The following CHSY3 variants were observed in gnomAD, a reference collection of about 807,000 sequenced individuals.
The protein encoded by CHSY3 is N-acetylgalactosaminyl-proteoglycan 3-beta-glucuronosyltransferase 3.
A neutral mutation model predicts 67.2 loss-of-function variants in CHSY3; 35 were observed. The observed-to-expected ratio is 0.52, with a 90% confidence interval of 0.40 to 0.69. The LOEUF is 0.69. Among genes scored for constraint, CHSY3 ranks in the 30% least tolerant of loss-of-function variants. The pLI, the probability that CHSY3 is intolerant of heterozygous loss-of-function variation, is 0.00. For missense variants in CHSY3, 1,069 were observed against 1,138.5 expected, an observed-to-expected ratio of 0.94 and a Z score of 0.88; for synonymous variants, 474 against 434.7, an observed-to-expected ratio of 1.09 and a Z score of -1.12.
chr5:130,046,741 A>G (rs1765164353), intron 2 of CHSY3, among the ~76,000 whole-genome samples: 1 of 152,124 alleles, frequency 6.6e-6, no homozygotes, highest in Admixed American at 6.6e-5. Context: ...AATAATTTTT[A>G]CAGATACCTT....
chr5:130,010,549 C>T (rs1332984584), intron 2 of CHSY3, among the ~76,000 whole-genome samples: 1 of 152,066 alleles, frequency 6.6e-6, no homozygotes, highest in Non-Finnish European at 1.5e-5. Context: ...AAGTTAACAG[C>T]TAAGAGCTAA....
chr5:130,115,176 G>A (rs1767750659), intron 2 of CHSY3, among the ~76,000 whole-genome samples: 1 of 151,698 alleles, frequency 6.6e-6, no homozygotes, highest in Non-Finnish European at 1.5e-5. Context: ...ATGAATGATT[G>A]CAGAGTATTT....
chr5:129,919,069 TGCAGTCC>T (rs1241404009), intron 2 of CHSY3, among the ~76,000 whole-genome samples: 1 of 117,498 alleles, frequency 8.5e-6, no homozygotes, highest in African/African-American at 3.4e-5. Context: ...ATTGCGCCAC[TGCAGTCC>T]GCAGTCCGGC....
At chr5:129,974,455 T>C (rs1256468510) in intron 2 of CHSY3, among the ~76,000 whole-genome samples, 1 of 152,146 alleles carries the variant, frequency 6.6e-6, no homozygotes, top group Non-Finnish European at 1.5e-5. Flanking sequence ...TTAATATAGT[T>C]TCTCTTGCTA....
chr5:129,930,982 A>C (rs1177100472), intron 2 of CHSY3, among the ~76,000 whole-genome samples: 1 of 152,100 alleles, frequency 6.6e-6, no homozygotes, highest in African/African-American at 2.4e-5. Flanking sequence ...GTCGGTTTTA[A>C]ATTGCCTTTG....
intron 2 of CHSY3, among the ~76,000 whole-genome samples, chr5:130,012,008 A>C (rs1764076637): frequency 6.6e-6 from 1 of 152,192 alleles, no homozygotes; most frequent in African/African-American, 2.4e-5. Flanking sequence ...AATAGGAAGA[A>C]TCAATGGCCG....
rs773471290 is a variant in CHSY3 at position 129,905,068 on chromosome 5, G to A, written c.239G>A (p.Arg80His). 30 of 1,545,664 alleles carry A rather than the reference G, an allele frequency of 1.9e-5. No individual in the cohort carries two copies. The highest frequency in any genetic ancestry group is 2.4e-5 in the South Asian group (2 of 84,482). The change falls in exon 1 of 3, where the codon CGC (arginine) becomes CAC (histidine). Residue 80 changes from arginine to histidine, a missense_variant. Around this residue, in one of 5 missense-constraint regions of CHSY3, gnomAD observed 309 missense variants for 262.5 expected, o/e 1.18. Coordinates refer to ENST00000305031, the MANE Select transcript of CHSY3 (RefSeq NM_175856.5). The part of the protein sequence containing the change: ...PRQEQSPPPA[R>H]QDLQGPPLPE... Reference sequence around the variant, plus strand: ...CAGGAGCAGTCGCCGCCCCCCGCGCGCCAGGATCTCCAGGGGCCACCGCTG... The same window carrying A: ...CAGGAGCAGTCGCCGCCCCCCGCGCACCAGGATCTCCAGGGGCCACCGCTG...
At chr5:129,994,083 T>C (rs540127194) in intron 2 of CHSY3, among the ~76,000 whole-genome samples, 81 of 152,356 alleles carry the variant, frequency 5.3e-4, no homozygotes, top group African/African-American at 1.9e-3. Context: ...AGAGATCAGC[T>C]GTTAGTGTGA....
At chr5:130,153,550 T>A (rs1029005439) in intron 2 of CHSY3, among the ~76,000 whole-genome samples, 3 of 152,146 alleles carry the variant, frequency 2.0e-5, no homozygotes, top group Non-Finnish European at 4.4e-5. Context: ...GAAGCCTTTT[T>A]TCATTGCTCC....
At chr5:130,181,909 C>A (rs1770260158) in intron 2 of CHSY3, among the ~76,000 whole-genome samples, 1 of 150,880 alleles carries the variant, frequency 6.6e-6, no homozygotes, top group Admixed American at 6.6e-5. Flanking sequence ...TTATTCTGTT[C>A]TTGATGTAAA....
intron 2 of CHSY3, among the ~76,000 whole-genome samples, chr5:130,032,705 C>A (rs970041021): frequency 6.6e-6 from 1 of 152,094 alleles, no homozygotes. Flanking sequence ...CCTGGGAAAT[C>A]AAAGCTGAAT....
In CHSY3 at chr5:129,905,426, C is replaced by T; in HGVS notation, c.597C>T (p.Ile199=). The change falls in exon 1 of 3, where the codon ATC becomes ATT. Residue 199 remains isoleucine (I), a synonymous_variant. Coordinates refer to ENST00000305031, the MANE Select transcript of CHSY3 (RefSeq NM_175856.5). ...LAAQRTWARF[I]PGRVEFFSSQ... The stretch of plus-strand genomic sequence containing the variant: ...CGCAGCGGACCTGGGCGCGTTTCAT[C>T]CCGGGCCGCGTGGAGTTCTTTTCCA... The T allele has an allele frequency of 1.1e-5, 18 of 1,611,094 alleles. No homozygotes were observed. The highest frequency in any genetic ancestry group is 1.5e-5 in the Non-Finnish European group (18 of 1,179,610).
chr5:129,983,712 A>T (rs949636706), intron 2 of CHSY3, among the ~76,000 whole-genome samples: 3 of 152,092 alleles, frequency 2.0e-5, no homozygotes, highest in Non-Finnish European at 4.4e-5. Flanking sequence ...ATTTCAGTGT[A>T]GTTTATTAAG....
intron 2 of CHSY3, among the ~76,000 whole-genome samples, chr5:130,103,359 G>C (rs1471883525): frequency 6.6e-6 from 1 of 152,068 alleles, no homozygotes; most frequent in Non-Finnish European, 1.5e-5. Context: ...CTATAATTGA[G>C]TTATTTACTT....
chr5:129,961,588 C>T (rs978368694), intron 2 of CHSY3, among the ~76,000 whole-genome samples: 4 of 151,912 alleles, frequency 2.6e-5, no homozygotes, highest in African/African-American at 9.7e-5. Context: ...CCTTTTGTTT[C>T]TGATTTTAAA....
chr5:130,124,904 T>A (rs770430094), intron 2 of CHSY3, among the ~76,000 whole-genome samples: 1 of 152,216 alleles, frequency 6.6e-6, no homozygotes, highest in African/African-American at 2.4e-5. Flanking sequence ...AAGTGTGATT[T>A]CTCTCTCCTT....
rs139495022 is a variant in CHSY3 at position 130,145,647 on chromosome 5, C to A, written c.1087-38582C>A. ...AGCTTTTGCACAGCAAAGGAAACAA[C>A]AGAGTAAGGAGACAATGTAGACAAT... On this transcript the variant is annotated intron_variant, in intron 2 of 2. Coordinates refer to ENST00000305031, the MANE Select transcript of CHSY3 (RefSeq NM_175856.5). Among the ~76,000 whole-genome samples, 1,417 of 152,166 alleles carry A rather than the reference C, an allele frequency of 9.3e-3. 27 individuals carry two copies. Among genetic ancestry groups the A allele is most frequent in the African/African-American group, 0.033 (1,355 of 41,524 alleles).
rs1770357098 is a variant in CHSY3 at position 130,184,662 on chromosome 5, A to G, written c.1520A>G (p.Asn507Ser). 4.4e-6 allele frequency: 7 copies of G among 1,605,806 alleles called. No individual in the cohort carries two copies. Among genetic ancestry groups the G allele is most frequent in the Admixed American group, 1.7e-5 (1 of 59,994 alleles). The change falls in exon 3 of 3, where the codon AAT becomes AGT. Residue 507 changes from asparagine (N) to serine (S), a missense_variant. By Grantham distance (46) the Asn-to-Ser change is conservative. This residue lies in a region of CHSY3 where 401 missense variants were observed against 395.2 expected (regional missense o/e 1.01). Transcript: ENST00000305031. ...GTCCTACAGGTGATGGAGATGATCA[A>G]TGAGAATGCCAAGAGCAGAGGACGG... ...DTVLQVMEMI[N>S]ENAKSRGRLI...
chr5:130,143,810 GTA>G (rs61284287), intron 2 of CHSY3, among the ~76,000 whole-genome samples: 2,902 of 56,298 alleles, frequency 0.052, 69 homozygotes, highest in East Asian at 0.14. Context: ...ATATATGTGT[GTA>G]TATATATATA....
Sources: allele counts gnomAD v4.1 joint callset (sites outside exome capture counted in the v4.1 genomes callset), GRCh38; gene constraint gnomAD v4.1.1; regional missense constraint gnomAD v4.1.1; transcripts MANE v1.5; gene names NCBI Gene and HGNC (gene_info 2026-07-23, HGNC 2026-07-21).